The following ADAM9 variants were observed in gnomAD, a reference collection of about 807,000 sequenced individuals.
The protein encoded by ADAM9 is ADAM metallopeptidase domain 9, also known as disintegrin and metalloproteinase domain-containing protein 9.
In ADAM9, 54 loss-of-function variants were observed where a neutral mutation model predicts 108.1. The ratio of observed to expected loss-of-function variants is 0.50; its 90% CI spans 0.40 to 0.63. The LOEUF (loss-of-function observed/expected upper bound fraction) is 0.63. Among genes scored for constraint, ADAM9 ranks in the 20% least tolerant of loss-of-function variants. ADAM9 has a pLI of 0.00. For missense variants in ADAM9, 830 were observed against 997.7 expected (o/e 0.83, Z 2.26); for synonymous variants, 316 against 336.0 (o/e 0.94, Z 0.65).
At chr8:39,070,995 C>G (rs1413318061) in intron 14 of ADAM9, among the ~76,000 whole-genome samples, 1 of 152,162 alleles carries the variant, frequency 6.6e-6, no homozygotes, top group Non-Finnish European at 1.5e-5. Flanking sequence ...GCAAATGGTA[C>G]TATACTGTGC....
At chr8:39,083,443 A>G (rs1206637316) in intron 18 of ADAM9, among the ~76,000 whole-genome samples, 3 of 152,200 alleles carry the variant, frequency 2.0e-5, no homozygotes, top group African/African-American at 4.8e-5. Flanking sequence ...ACTCCTTAAC[A>G]TGGGTTAAAT....
chr8:39,050,083 C>A (rs1837907526), intron 12 of ADAM9, among the ~76,000 whole-genome samples: 1 of 152,104 alleles, frequency 6.6e-6, no homozygotes, highest in Admixed American at 6.5e-5. Context: ...TAATATGTCA[C>A]CTCATTAACC....
chr8:39,003,760 C>T (rs1020602614), intron 1 of ADAM9, among the ~76,000 whole-genome samples: 2 of 152,076 alleles, frequency 1.3e-5, no homozygotes, highest in African/African-American at 4.8e-5. Context: ...GAATAACAGC[C>T]CTTACACACA....
chr8:39,027,389 G>T (rs932911623), intron 11 of ADAM9, among the ~76,000 whole-genome samples: 3 of 152,206 alleles, frequency 2.0e-5, no homozygotes, highest in Non-Finnish European at 4.4e-5. Context: ...CATTTGTTAA[G>T]CTCTTTTTAT....
chr8:39,055,148 C>T (rs12548006), intron 13 of ADAM9, among the ~76,000 whole-genome samples: 35,906 of 152,038 alleles, frequency 0.24, 4,558 homozygotes, highest in South Asian at 0.31. Flanking sequence ...CTTCCAGTTA[C>T]TGCTTATAAG....
chr8:39,055,658 T>G lies in ADAM9; in HGVS notation c.1477T>G (p.Cys493Gly). 6.2e-7 allele frequency: 1 copy of G among 1,613,824 alleles called. No individual in the cohort carries two copies. The part of the protein sequence containing the change: ...PEYCNGSSQF[C>G]QPDVFIQNGY... The stretch of plus-strand genomic sequence containing the variant: ...GTACTGCAATGGTTCTTCTCAGTTC[T>G]GTCAGCCAGATGTTTTTATTCAGAA... The change falls in exon 14 of 22, where the codon TGT (cysteine) becomes GGT (glycine). Residue 493 changes from cysteine to glycine, a missense_variant. By Grantham distance (159) the Cys-to-Gly change is radical. This residue lies in a region of ADAM9 where 381 missense variants were observed against 539.8 expected (regional missense o/e 0.71). Transcript: ENST00000487273.
intron 11 of ADAM9, among the ~76,000 whole-genome samples, chr8:39,031,397 T>C (rs1837090370): frequency 6.6e-6 from 1 of 152,244 alleles, no homozygotes; most frequent in Non-Finnish European, 1.5e-5. Context: ...TTGGGCTCTC[T>C]ATCTTGTTCT....
intron 14 of ADAM9, among the ~76,000 whole-genome samples, chr8:39,067,463 T>G (rs1003504574): frequency 1.3e-5 from 2 of 152,224 alleles, no homozygotes; most frequent in Non-Finnish European, 2.9e-5. Context: ...GAAGAGGTCC[T>G]TCACATCCCT....
chr8:39,038,794 C>T (rs1420339835), intron 11 of ADAM9, among the ~76,000 whole-genome samples: 1 of 152,206 alleles, frequency 6.6e-6, no homozygotes, highest in African/African-American at 2.4e-5. Context: ...ACAAGTCTTT[C>T]TGTTATTGAC....
chr8:39,069,815 A>G (rs151188303), intron 14 of ADAM9, among the ~76,000 whole-genome samples: 113 of 152,296 alleles, frequency 7.4e-4, no homozygotes, highest in African/African-American at 2.7e-3. Flanking sequence ...TATTTCCTCT[A>G]CTGTCAATAT....
chr8:39,018,826 C>T (rs748106142), intron 6 of ADAM9, 27 bp from the exon 7 acceptor site: 30 of 1,609,752 alleles, frequency 1.9e-5, no homozygotes, highest in Non-Finnish European at 2.4e-5. Context: ...CTTCCTTTTG[C>T]CTTTATGATG....
At chr8:39,072,559 G>C (rs937394025) in intron 15 of ADAM9, among the ~76,000 whole-genome samples, 1 of 152,080 alleles carries the variant, frequency 6.6e-6, no homozygotes, top group Non-Finnish European at 1.5e-5. Context: ...GTTTACTTCC[G>C]TGGCTTCATT....
chr8:39,022,203 C>T (rs1836769936), intron 8 of ADAM9, among the ~76,000 whole-genome samples: 1 of 151,688 alleles, frequency 6.6e-6, no homozygotes, highest in Non-Finnish European at 1.5e-5. Context: ...ATAATTTTAT[C>T]TACAAAGCTG....
chr8:39,072,763 G>C (rs541401686), intron 15 of ADAM9, among the ~76,000 whole-genome samples: 3 of 152,322 alleles, frequency 2.0e-5, no homozygotes, highest in Non-Finnish European at 4.4e-5. Flanking sequence ...AACAGGACCA[G>C]CTCTCCCTCT....
chr8:39,017,195 G>A (rs1433784464), intron 5 of ADAM9, 24 bp from the exon 6 acceptor site: 1 of 1,613,386 alleles, frequency 6.2e-7, no homozygotes, highest in African/African-American at 1.3e-5. Context: ...CTTAAAATTT[G>A]TATACGTGTA....
Position 39,104,496 on chromosome 8 carries a change from T to C in ADAM9, c.*796T>C. The C allele has an allele frequency of 2.6e-6, 1 of 383,036 alleles. No individual in the cohort carries two copies. Among genetic ancestry groups the C allele is most frequent in the Non-Finnish European group, 5.1e-6 (1 of 197,890 alleles). The allele number at this position is 383,036 out of a possible 1,614,324, so 23.7% of individuals were successfully genotyped here. A position where few individuals can be genotyped will look rare whatever the true frequency, so the allele number is the denominator to read the frequency against. On this transcript the variant is annotated 3_prime_UTR_variant, in exon 22 of 22. Transcript: ENST00000487273. Reference sequence around the variant, plus strand: ...AAGCTTTAAGGTACGAAGTATTTAATAGATCTAATCAAATATGTTGATTCA... The same window carrying C: ...AAGCTTTAAGGTACGAAGTATTTAACAGATCTAATCAAATATGTTGATTCA...
intron 18 of ADAM9, among the ~76,000 whole-genome samples, chr8:39,085,309 C>G (rs568377803): frequency 6.6e-6 from 1 of 152,106 alleles, no homozygotes; most frequent in African/African-American, 2.4e-5. Flanking sequence ...TTTACTTCTA[C>G]TAATGTTATA....
chr8:38,998,234 T>C (rs1835885351), intron 1 of ADAM9, among the ~76,000 whole-genome samples: 3 of 152,202 alleles, frequency 2.0e-5, no homozygotes, highest in African/African-American at 7.2e-5. Context: ...TTAAGTAAAT[T>C]TGCCCCAGTG....
At chr8:39,057,651 G>A (rs1042077398) in intron 14 of ADAM9, among the ~76,000 whole-genome samples, 2 of 152,048 alleles carry the variant, frequency 1.3e-5, no homozygotes, top group African/African-American at 4.8e-5. Flanking sequence ...CAGGAAAAAA[G>A]CTGATGTCTC....
Sources: allele counts gnomAD v4.1 joint callset (sites outside exome capture counted in the v4.1 genomes callset), GRCh38; gene constraint gnomAD v4.1.1; regional missense constraint gnomAD v4.1.1; transcripts MANE v1.5; gene names NCBI Gene and HGNC (gene_info 2026-07-23, HGNC 2026-07-21).